The following SLC30A8 variants were observed in gnomAD, a reference collection of about 807,000 sequenced individuals.
SLC30A8 encodes the protein solute carrier family 30 member 8, also known as proton-coupled zinc antiporter SLC30A8.
Under a neutral mutation model 36.9 loss-of-function variants are expected in SLC30A8, and 27 were observed. The ratio of observed to expected loss-of-function variants is 0.73; its 90% CI spans 0.54 to 1.01. SLC30A8 has a LOEUF of 1.01. Among genes scored for constraint, SLC30A8 ranks in the 50% least tolerant of loss-of-function variants. The pLI is 0.00. For synonymous variants in SLC30A8, 164 were observed against 172.4 expected (o/e 0.95, Z 0.38); for missense variants, 439 against 452.0 (o/e 0.97, Z 0.26).
chr8:116,971,643 GA>G (rs1814801437), intron 1 of SLC30A8, among the ~76,000 whole-genome samples: 2 of 151,706 alleles, frequency 1.3e-5, no homozygotes, highest in African/African-American at 2.4e-5. Flanking sequence ...ATCAAATTCA[GA>G]AAGATGTTGG....
chr8:117,148,505 A>G (rs1822008915), intron 2 of SLC30A8, among the ~76,000 whole-genome samples: 1 of 152,080 alleles, frequency 6.6e-6, no homozygotes, highest in African/African-American at 2.4e-5. Flanking sequence ...ATGATTTTTA[A>G]TTTAACAAAG....
Position 117,106,346 on chromosome 8 carries a change from C to G in SLC30A8, c.-225-28934C>G, listed in dbSNP as rs375580922. ...ATTGGGAAATATAATTTCCCTTATG[C>G]AATTGTGGTACAAAATTCATTGTGG... On this transcript the variant is annotated intron_variant, in intron 2 of 10. Coordinates refer to the SLC30A8 transcript ENST00000427715. Among the ~76,000 whole-genome samples the G allele has an allele frequency of 5.9e-5, 9 of 152,212 alleles. No individual in the cohort carries two copies. In the East Asian group the frequency reaches 1.7e-3, roughly 29 times the overall value.
intron 1 of SLC30A8, among the ~76,000 whole-genome samples, chr8:116,958,189 C>T (rs746345728): frequency 6.6e-6 from 1 of 152,168 alleles, no homozygotes; most frequent in African/African-American, 2.4e-5. Flanking sequence ...GCACATGGGC[C>T]CTCACTTAGG....
intron 2 of SLC30A8, among the ~76,000 whole-genome samples, chr8:117,109,489 G>A (rs1330095694): frequency 6.6e-6 from 1 of 152,032 alleles, no homozygotes; most frequent in Non-Finnish European, 1.5e-5. Flanking sequence ...ACATCTCTGA[G>A]GTCAGAAAGA....
At chr8:117,129,976 G>T (rs948205730) in intron 2 of SLC30A8, 1 of 151,908 alleles carries the variant, frequency 6.6e-6, no homozygotes, top group Non-Finnish European at 1.5e-5. Context: ...TGACTTGGTC[G>T]AGAGTTTAGG....
chr8:116,995,600 A>G (rs910791203), intron 1 of SLC30A8, among the ~76,000 whole-genome samples: 1 of 152,068 alleles, frequency 6.6e-6, no homozygotes, highest in Non-Finnish European at 1.5e-5. Flanking sequence ...CACTATGTGA[A>G]CAGAGCCCAA....
intron 1 of SLC30A8, among the ~76,000 whole-genome samples, chr8:117,137,096 A>C (rs555250274): frequency 6.6e-6 from 1 of 152,026 alleles, no homozygotes; most frequent in African/African-American, 2.4e-5. Flanking sequence ...CCTTCTTGTT[A>C]ATTTAGTGTT....
intron 1 of SLC30A8, among the ~76,000 whole-genome samples, chr8:117,136,484 T>C (rs1821364679): frequency 6.6e-6 from 1 of 152,034 alleles, no homozygotes; most frequent in African/African-American, 2.4e-5. Context: ...AAACTAATAT[T>C]CTAAGGAGTA....
At chr8:117,104,142 G>T (rs1186892839) in intron 2 of SLC30A8, among the ~76,000 whole-genome samples, 1 of 152,152 alleles carries the variant, frequency 6.6e-6, no homozygotes, top group Non-Finnish European at 1.5e-5. Context: ...CCAACTTGGG[G>T]TTCTCTTCTA....
chr8:116,971,273 A>G (rs1188445144), intron 1 of SLC30A8, among the ~76,000 whole-genome samples: 1 of 152,168 alleles, frequency 6.6e-6, no homozygotes, highest in African/African-American at 2.4e-5. Flanking sequence ...TTAAAATAAA[A>G]TAGTAATGTT....
chr8:117,147,710 A>G (rs1381867352), intron 2 of SLC30A8: 1 of 153,370 alleles, frequency 6.5e-6, no homozygotes, highest in Non-Finnish European at 1.5e-5. Context: ...TCATATTGCC[A>G]GAGTGCTGTT....
At chr8:117,156,666 C>T (rs921141637) in intron 3 of SLC30A8, among the ~76,000 whole-genome samples, 1 of 152,122 alleles carries the variant, frequency 6.6e-6, no homozygotes, top group Non-Finnish European at 1.5e-5. Flanking sequence ...TAAACTAGCA[C>T]ATCAAATATG....
chr8:116,968,836 A>T (rs1310601267), intron 1 of SLC30A8, among the ~76,000 whole-genome samples: 1 of 152,062 alleles, frequency 6.6e-6, no homozygotes, highest in Non-Finnish European at 1.5e-5. Flanking sequence ...TCCTGGGTTG[A>T]AACGATTCTC....
chr8:116,973,768 A>C (rs1181609781), intron 1 of SLC30A8, among the ~76,000 whole-genome samples: 1 of 152,222 alleles, frequency 6.6e-6, no homozygotes, highest in Non-Finnish European at 1.5e-5. Context: ...TGGATGCATC[A>C]AGCTACCTGA....
At chr8:116,953,750 G>A (rs1278376175) in intron 1 of SLC30A8, among the ~76,000 whole-genome samples, 6 of 151,900 alleles carry the variant, frequency 3.9e-5, no homozygotes, top group South Asian at 4.2e-4. Flanking sequence ...TCTTCATCTC[G>A]TTTTCTGTTT....
At chr8:117,040,963 G>A (rs1817367981) in intron 2 of SLC30A8, among the ~76,000 whole-genome samples, 2 of 151,972 alleles carry the variant, frequency 1.3e-5, no homozygotes, top group African/African-American at 2.4e-5. Context: ...TTCTGTTAGG[G>A]GCTTTCTCCC....
In SLC30A8 at chr8:117,168,068, C is replaced by T. The variant is rs192074698; in HGVS notation, c.830-2966C>T. Among the ~76,000 whole-genome samples, 183 of 151,798 alleles carry T rather than the reference C, an allele frequency of 1.2e-3. 1 individual carries two copies. Among genetic ancestry groups the T allele is most frequent in the Admixed American group, 4.1e-3 (63 of 15,254 alleles). Reference sequence around the variant, plus strand: ...TGAGACTTATTCACTACCAGGAGAACGGTATGGGGGAACTGCCCCCATGAT... The same window carrying T: ...TGAGACTTATTCACTACCAGGAGAATGGTATGGGGGAACTGCCCCCATGAT... On this transcript the variant is annotated intron_variant, in intron 6 of 7. Coordinates refer to ENST00000456015, the MANE Select transcript of SLC30A8 (RefSeq NM_173851.3).
At chr8:117,152,470 T>C (rs551520874) in intron 2 of SLC30A8, among the ~76,000 whole-genome samples, 31 of 152,070 alleles carry the variant, frequency 2.0e-4, no homozygotes, top group Non-Finnish European at 4.0e-4. Context: ...TATATATTAA[T>C]AGAGAAAAAG....
intron 6 of SLC30A8, among the ~76,000 whole-genome samples, chr8:117,168,495 A>AGACT (rs1823181740): frequency 6.6e-6 from 1 of 152,174 alleles, no homozygotes; most frequent in African/African-American, 2.4e-5. Context: ...ATATTTTTTC[A>AGACT]GACTCCCCCC....
Sources: allele counts gnomAD v4.1 joint callset (sites outside exome capture counted in the v4.1 genomes callset), GRCh38; gene constraint gnomAD v4.1.1; transcripts MANE v1.5; gene names NCBI Gene and HGNC (gene_info 2026-07-23, HGNC 2026-07-21).